The following ABCB8 variants were observed in gnomAD, a reference collection of about 807,000 sequenced individuals.
ABCB8 encodes the protein ATP binding cassette subfamily B member 8.
Under a neutral mutation model 73.0 loss-of-function variants are expected in ABCB8, and 52 were observed. The ratio of observed to expected loss-of-function variants is 0.71; its 90% CI spans 0.57 to 0.90. ABCB8 has a LOEUF of 0.90. ABCB8 is among the 40% of genes least tolerant of loss of function. The pLI, the probability that ABCB8 is intolerant of heterozygous loss-of-function variation, is 0.00. For synonymous variants in ABCB8, 428 were observed against 423.5 expected (o/e 1.01, Z -0.13); for missense variants, 909 against 974.6 (o/e 0.93, Z 0.90).
rs1796589244 is a variant in ABCB8 at position 151,045,417 on chromosome 7, C to G, written c.*68C>G. On this transcript the variant is annotated 3_prime_UTR_variant, in exon 16 of 16. Coordinates refer to ENST00000358849, the MANE Select transcript of ABCB8 (RefSeq NM_007188.5). ...AGGGCTGGGGCTCAGCCTGGGGGAG[C>G]CTACTGGGGACTGAGCCCCCAGGAG... 7.2e-7 allele frequency: 1 copy of G among 1,398,104 alleles called. No individual in the cohort carries two copies. Among genetic ancestry groups the G allele is most frequent in the African/African-American group, 1.5e-5 (1 of 66,932 alleles). The allele number at this position is 1,398,104 out of a possible 1,614,324, so 86.6% of individuals were successfully genotyped here.
intron 13 of ABCB8, among the ~76,000 whole-genome samples, 172 bp from the exon 14 acceptor site, chr7:151,041,789 T>C (rs2117236058): frequency 6.6e-6 from 1 of 152,332 alleles, no homozygotes; most frequent in East Asian, 1.9e-4. Flanking sequence ...CCTTCCCTTT[T>C]GGGGGCCACT....
chr7:151,044,243 G>T (rs781520869), intron 15 of ABCB8, 22 bp downstream of exon 15: 3 of 1,590,620 alleles, frequency 1.9e-6, no homozygotes, highest in East Asian at 4.5e-5. Context: ...TGGGGGCGTG[G>T]ATCAGTGGGT....
chr7:151,034,452 G>A, intron 3 of ABCB8, 24 bp downstream of exon 3: 3 of 1,613,704 alleles, frequency 1.9e-6, no homozygotes, highest in Non-Finnish European at 2.5e-6. Flanking sequence ...TGGGGCTGGG[G>A]ACCGCCGAGG....
chr7:151,036,001 A>T lies in ABCB8; in HGVS notation c.1013+34A>T, dbSNP rs754658023. On this transcript the variant is annotated intron_variant, in intron 7 of 15. Coordinates refer to ENST00000358849, the MANE Select transcript of ABCB8 (RefSeq NM_007188.5). ...TGGGAGGGCGGAGCACAAAGCAGAG[A>T]TGCCCCCCACACCCTGCCAACCCTT... The T allele has an allele frequency of 7.4e-6, 12 of 1,613,150 alleles. No individual in the cohort carries two copies. The South Asian group carries it at 1.2e-4, about 16-fold the overall frequency.
chr7:151,047,100 C>G lies in ABCB8; in HGVS notation c.*1751C>G, dbSNP rs776486450. The G allele has an allele frequency of 7.2e-5, 11 of 152,292 alleles. No individual in the cohort carries two copies. The highest frequency in any genetic ancestry group is 1.3e-4 in the Non-Finnish European group (9 of 68,086). The allele number at this position is 152,292 out of a possible 1,614,324, so 9.4% of individuals were successfully genotyped here. On this transcript the variant is annotated 3_prime_UTR_variant, in exon 16 of 16. Coordinates refer to ENST00000358849, the MANE Select transcript of ABCB8 (RefSeq NM_007188.5). ...CCTGACCCCTCCCTCACCAGGCAGC[C>G]AGCCAAGGTGGTTCCTGCTTCACCC... is the stretch of plus-strand genomic sequence containing the variant.
chr7:151,036,032 C>T (rs1339447994), intron 7 of ABCB8, 41 bp from the exon 8 acceptor site: 1 of 1,612,736 alleles, frequency 6.2e-7, no homozygotes, highest in Admixed American at 1.7e-5. Context: ...CCCTTCGTGC[C>T]AGCCCAGCTG....
At chr7:151,031,138 A>G (rs1796150236) in intron 1 of ABCB8, 1 of 742,574 alleles carries the variant, frequency 1.3e-6, no homozygotes, top group Non-Finnish European at 2.3e-6. Context: ...TGCACCTCTA[A>G]TGAGGGCATG....
Position 151,041,151 on chromosome 7 carries a change from C to T in ABCB8, c.1536C>T (p.Gly512=), listed in dbSNP as rs776270336. The change falls in exon 13 of 16, where the codon GGC becomes GGT. Residue 512 remains glycine, a synonymous_variant. Transcript: ENST00000358849. ...LLERFYDPTA[G]VVMLDGRDLR... ...AGCGCTTCTACGACCCCACGGCAGG[C>T]GTGGTGATGCTGGATGGGCGGGACC... is the stretch of plus-strand genomic sequence containing the variant. 50 of 1,612,126 alleles carry T rather than the reference C, an allele frequency of 3.1e-5. No individual in the cohort carries two copies. The highest frequency in any genetic ancestry group is 2.5e-5 in the Non-Finnish European group (29 of 1,180,006).
chr7:151,031,403 G>A, intron 1 of ABCB8: 11 of 1,391,624 alleles, frequency 7.9e-6, no homozygotes, highest in Middle Eastern at 4.9e-4. Context: ...AAAGGCACAG[G>A]CCTTCCTGAA....
Position 151,034,654 on chromosome 7 carries a change from G to A in ABCB8, c.659+55G>A, listed in dbSNP as rs539313810. On this transcript the variant is annotated intron_variant, in intron 4 of 15. Coordinates refer to ENST00000358849, the MANE Select transcript of ABCB8 (RefSeq NM_007188.5). ...GGTGACTGATGGCCTGAGGGGTCTG[G>A]GGGTAGGACCTTATCCTGAAGTAAT... The A allele has an allele frequency of 1.4e-5, 23 of 1,611,852 alleles. No individual in the cohort carries two copies. The African/African-American group carries it at 2.9e-4, about 21-fold the overall frequency.
intron 1 of ABCB8, among the ~76,000 whole-genome samples, chr7:151,032,415 G>T (rs1331480111): frequency 6.6e-6 from 1 of 152,218 alleles, no homozygotes. Flanking sequence ...TGTAGAATAG[G>T]CCAGGCACGG....
At chr7:151,039,210 C>T (rs1796391245) in intron 9 of ABCB8, 1 of 152,330 alleles carries the variant, frequency 6.6e-6, no homozygotes, top group South Asian at 2.1e-4. Flanking sequence ...GCCCTAATGT[C>T]TTCCAGATCT....
chr7:151,029,478 TTTTTCTTTTCTTTTC>T (rs148744051), intron 1 of ABCB8: 235 of 128,278 alleles, frequency 1.8e-3, no homozygotes, highest in African/African-American at 6.8e-3. Context: ...GATTCCTTTT[TTTTTCTTTTCTTTTC>T]TTTTCTTTTC....
rs1053555852 is a variant in ABCB8, at chr7:151,036,169, C to T, written c.1110C>T (p.Asn370=). The part of the protein sequence containing the change: ...LFQGLSNIAF[N]CMVLGTLFIG... ...AAGGGCTTTCCAACATCGCCTTCAA[C>T]TGTGAGTGAGCCATTTGGGGGCTGG... The change falls in exon 8 of 16, where the codon AAC becomes AAT. Residue 370 remains asparagine, a splice_region_variant and synonymous_variant. Coordinates refer to ENST00000358849, the MANE Select transcript of ABCB8 (RefSeq NM_007188.5). The T allele has an allele frequency of 6.2e-7, 1 of 1,604,226 alleles. No individual in the cohort carries two copies. The highest frequency in any genetic ancestry group is 1.7e-5 in the Admixed American group (1 of 59,668).
At position 151,034,389 on chromosome 7, in the gene ABCB8, G is replaced by A. The variant is rs1202693041; in HGVS notation, c.525G>A (p.Gln175=). ...DHVGSFMTES[Q]NLSTHLLILY... ...TAGGGAGTTTCATGACTGAGTCCCAGAATCTCAGCACCCACCTGCTTATCC... is the reference window on the plus strand; with the variant it reads ...TAGGGAGTTTCATGACTGAGTCCCAAAATCTCAGCACCCACCTGCTTATCC... The change falls in exon 3 of 16, where the codon CAG becomes CAA. Residue 175 remains glutamine (Q), a synonymous_variant. Transcript: ENST00000358849. 1 of 1,614,058 alleles carries A rather than the reference G, an allele frequency of 6.2e-7. No individual in the cohort carries two copies. The highest frequency in any genetic ancestry group is 8.5e-7 in the Non-Finnish European group (1 of 1,180,022).
intron 14 of ABCB8, among the ~76,000 whole-genome samples, chr7:151,042,697 G>A (rs567623637): frequency 1.3e-5 from 2 of 152,344 alleles, no homozygotes; most frequent in East Asian, 1.9e-4. Context: ...TCCAGCCTTC[G>A]GGGCCATGTT....
intron 14 of ABCB8, among the ~76,000 whole-genome samples, chr7:151,043,043 C>T (rs966405526): frequency 1.3e-5 from 2 of 152,340 alleles, no homozygotes; most frequent in East Asian, 3.9e-4. Flanking sequence ...CTTTTTGGCT[C>T]CCAGGCTGCC....
At position 151,042,068 on chromosome 7, in the gene ABCB8, G is replaced by A; in HGVS notation, c.1725G>A (p.Glu575=). The stretch of plus-strand genomic sequence containing the variant: ...CCGCCCGGGAAGCGAATGCTCACGA[G>A]TTCATCACCAGCTTCCCCGAGGGCT... ...YTAAREANAH[E]FITSFPEGYN... is the part of the protein sequence containing the mutation. The change falls in exon 14 of 16, where the codon GAG becomes GAA. Residue 575 remains glutamate (E), a synonymous_variant. Coordinates refer to ENST00000358849, the MANE Select transcript of ABCB8 (RefSeq NM_007188.5). 1 of 1,613,212 alleles carries A rather than the reference G, an allele frequency of 6.2e-7. No individual in the cohort carries two copies. Among genetic ancestry groups the A allele is most frequent in the Non-Finnish European group, 8.5e-7 (1 of 1,179,984 alleles).
chr7:151,033,255 T>G, intron 1 of ABCB8: 3 of 448,284 alleles, frequency 6.7e-6, no homozygotes, highest in Non-Finnish European at 7.9e-6. Flanking sequence ...GTCCAGGCAG[T>G]GTGTGGCCAT....
Sources: gnomAD v4.1 joint callset for allele counts (sites outside exome capture counted in the v4.1 genomes callset) on GRCh38, gnomAD v4.1.1 for gene constraint, MANE v1.5 for transcripts, NCBI Gene and HGNC (gene_info 2026-07-23, HGNC 2026-07-21) for gene names.